Variants in CTH observed in about 807,000 individuals in gnomAD.
CTH encodes the protein cystathionine gamma-lyase, also known as cystathionase (cystathionine gamma-lyase).
CTH carries 41 observed loss-of-function variants against 50.6 expected under a neutral mutation model. The observed-to-expected ratio is 0.81, with a 90% confidence interval of 0.63 to 1.05. The LOEUF is 1.05. Ranked by LOEUF, CTH falls within the 50% of genes least tolerant of loss-of-function variation. The pLI is 0.00. For missense variants in CTH, 470 were observed against 492.6 expected (o/e 0.95, Z 0.43); for synonymous variants, 156 against 168.9 (o/e 0.92, Z 0.59).
intron 3 of CTH, 96 bp downstream of exon 3, chr1:70,418,128 G>C (rs1684133463): frequency 1.4e-6 from 2 of 1,433,228 alleles, no homozygotes; most frequent in African/African-American, 2.8e-5. Flanking sequence ...CAGTATTTTT[G>C]ATTATTTATT....
intron 9 of CTH, chr1:70,434,845 T>C (rs968968831): frequency 3.3e-6 from 1 of 305,486 alleles, no homozygotes; most frequent in Non-Finnish European, 6.4e-6. Context: ...CTCCACCTCC[T>C]GGGTTGAAGT....
chr1:70,433,878 T>G lies in CTH; in HGVS notation c.928T>G (p.Cys310Gly). Residue 310 changes from cysteine (C) to glycine (G), a missense_variant, in exon 9 of 12, where the codon TGT (cysteine) becomes GGT (glycine). Transcript: ENST00000370938. The part of the protein sequence containing the change: ...HELVKRQCTG[C>G]TGMVTFYIKG... Reference sequence around the variant, plus strand: ...GTTGGTGAAGCGTCAGTGTACAGGTTGTACAGGGATGGTCACCTTTTATAT... The same window carrying G: ...GTTGGTGAAGCGTCAGTGTACAGGTGGTACAGGGATGGTCACCTTTTATAT... 6.2e-7 allele frequency: 1 copy of G among 1,614,144 alleles called. No individual in the cohort carries two copies. Among genetic ancestry groups the G allele is most frequent in the African/African-American group, 1.3e-5 (1 of 75,032 alleles).
intron 5 of CTH, among the ~76,000 whole-genome samples, chr1:70,426,496 G>A (rs915104377): frequency 1.2e-4 from 18 of 152,190 alleles, no homozygotes; most frequent in African/African-American, 3.1e-4. Context: ...CTGCCTCCAT[G>A]TGACTGGCTG....
chr1:70,423,882 A>G (rs1684285901), intron 4 of CTH, among the ~76,000 whole-genome samples: 1 of 152,242 alleles, frequency 6.6e-6, no homozygotes, highest in Non-Finnish European at 1.5e-5. Flanking sequence ...ATTCTCTTTC[A>G]TTAAAATTCT....
chr1:70,424,528 A>C, intron 5 of CTH, 112 bp downstream of exon 5: 1 of 1,539,850 alleles, frequency 6.5e-7, no homozygotes, highest in Non-Finnish European at 8.9e-7. Context: ...AAATCTAATC[A>C]TAATTAATTA....
intron 3 of CTH, 80 bp from the exon 4 acceptor site, chr1:70,421,486 G>A (rs1473165471): frequency 3.4e-5 from 48 of 1,420,714 alleles, no homozygotes; most frequent in Non-Finnish European, 4.5e-5. Flanking sequence ...CATATATTTT[G>A]TAAGTGTTTA....
chr1:70,424,309 A>T lies in CTH; in HGVS notation c.481A>T (p.Asn161Tyr). Reference protein sequence around the residue: ...TKLVWIETPTNPTQKVIDIEG... With the variant: ...TKLVWIETPTYPTQKVIDIEG... The stretch of plus-strand genomic sequence containing the variant: ...GCTTGTTTGGATCGAAACCCCCACA[A>T]ACCCCACCCAGAAGGTGATTGACAT... Residue 161 changes from asparagine to tyrosine, a missense_variant, in exon 5 of 12, where the codon AAC becomes TAC. Physicochemically the swap from Asn to Tyr is moderately radical, Grantham distance 143 (BLOSUM62 -2). Coordinates refer to ENST00000370938, the MANE Select transcript of CTH (RefSeq NM_001902.6). 6.2e-7 allele frequency: 1 copy of T among 1,614,126 alleles called. No individual in the cohort carries two copies. The highest frequency in any genetic ancestry group is 8.5e-7 in the Non-Finnish European group (1 of 1,180,006).
intron 7 of CTH, chr1:70,431,177 C>G (rs1361024544): frequency 6.6e-6 from 1 of 151,276 alleles, no homozygotes; most frequent in Non-Finnish European, 1.5e-5. Context: ...GATCCTGTCT[C>G]AAAAAACAAA....
chr1:70,431,377 C>G (rs1684471183), intron 7 of CTH, among the ~76,000 whole-genome samples: 1 of 151,582 alleles, frequency 6.6e-6, no homozygotes, highest in African/African-American at 2.4e-5. Flanking sequence ...TATACTATAC[C>G]TTTTATATCA....
intron 3 of CTH, among the ~76,000 whole-genome samples, chr1:70,421,293 G>A (rs548802384): frequency 2.6e-5 from 4 of 152,304 alleles, no homozygotes; most frequent in South Asian, 4.1e-4. Context: ...GTCACTTAGT[G>A]GAGATTGGAT....
At chr1:70,425,021 G>A (rs957748287) in intron 5 of CTH, among the ~76,000 whole-genome samples, 5 of 152,030 alleles carry the variant, frequency 3.3e-5, no homozygotes, top group Admixed American at 3.3e-4. Flanking sequence ...CTTATGCATA[G>A]TAAGGACTTG....
In CTH at chr1:70,438,571, T is replaced by A. The variant is rs1161160355; in HGVS notation, c.1053-117T>A. The A allele has an allele frequency of 5.5e-6, 6 of 1,100,888 alleles. No individual in the cohort carries two copies. In the East Asian group the frequency reaches 1.4e-4, roughly 26 times the overall value. The allele number at this position is 1,100,888 out of a possible 1,614,324, so 68.2% of individuals were successfully genotyped here. On this transcript the variant is annotated intron_variant, in intron 10 of 11. Transcript: ENST00000370938. ...TTTTTGCCTGTGAATTATAGGGGTA[T>A]GCAAAATTTGATATTTGGACCAGAA...
intron 5 of CTH, among the ~76,000 whole-genome samples, chr1:70,428,483 C>T (rs894037466): frequency 6.6e-6 from 1 of 152,122 alleles, no homozygotes; most frequent in African/African-American, 2.4e-5. Context: ...ATGTATTGAG[C>T]ATCACATTAT....
chr1:70,435,627 A>G (rs915485087), intron 10 of CTH, among the ~76,000 whole-genome samples: 1 of 151,774 alleles, frequency 6.6e-6, no homozygotes, highest in African/African-American at 2.4e-5. Flanking sequence ...ATACTGTCAA[A>G]TCTTTTGTTT....
At chr1:70,416,125 A>G in intron 2 of CTH, 88 bp downstream of exon 2, 1 of 852,756 alleles carries the variant, frequency 1.2e-6, no homozygotes, top group Non-Finnish European at 2.0e-6. Flanking sequence ...CTGAAAAGAA[A>G]CAGATTTGCT....
Position 70,433,894 on chromosome 1 carries a change from C to T in CTH, c.944C>T (p.Thr315Ile). The T allele has an allele frequency of 6.2e-7, 1 of 1,614,024 alleles. No individual in the cohort carries two copies. The change falls in exon 9 of 12, where the codon ACC becomes ATC. Residue 315 changes from threonine (T) to isoleucine (I), a missense_variant. Transcript: ENST00000370938. ...TGTACAGGTTGTACAGGGATGGTCA[C>T]CTTTTATATTAAGGGCACTCTTCAG... ...RQCTGCTGMV[T>I]FYIKGTLQHA... is the part of the protein sequence containing the mutation.
At chr1:70,417,725 G>A (rs975818974) in intron 2 of CTH, among the ~76,000 whole-genome samples, 3 of 152,162 alleles carry the variant, frequency 2.0e-5, no homozygotes, top group Non-Finnish European at 4.4e-5. Context: ...TAACACAAAA[G>A]TATCTGTCCA....
At position 70,432,234 on chromosome 1, in the gene CTH, T is replaced by C; in HGVS notation, c.876T>C (p.Pro292=). The change falls in exon 8 of 12, where the codon CCT becomes CCC. Residue 292 remains proline, a splice_region_variant and synonymous_variant. Transcript: ENST00000370938. The stretch of plus-strand genomic sequence containing the variant: ...CTTGGGTAGAAAAGGTTATTTATCC[T>C]GGTATGTTAATTTGATTTCTAAGCA... ...SNPWVEKVIY[P]GLPSHPQHEL... 6.2e-7 allele frequency: 1 copy of C among 1,614,154 alleles called. No individual in the cohort carries two copies. The highest frequency in any genetic ancestry group is 8.5e-7 in the Non-Finnish European group (1 of 1,180,002).
chr1:70,414,632 G>A (rs952684033), intron 1 of CTH, among the ~76,000 whole-genome samples: 1 of 152,170 alleles, frequency 6.6e-6, no homozygotes, highest in Non-Finnish European at 1.5e-5. Flanking sequence ...GTTATGTTAT[G>A]TGAAGCAGAG....
Sources: allele counts gnomAD v4.1 joint callset (sites outside exome capture counted in the v4.1 genomes callset), GRCh38; gene constraint gnomAD v4.1.1; transcripts MANE v1.5; gene names NCBI Gene and HGNC (gene_info 2026-07-23, HGNC 2026-07-21).